FXR2: variants seen among roughly 807,000 people sequenced by gnomAD.
The protein encoded by FXR2 is RNA-binding protein FXR2.
Under a neutral mutation model 87.3 loss-of-function variants are expected in FXR2, and 9 were observed. The ratio of observed to expected loss-of-function variants is 0.10; its 90% CI spans 0.06 to 0.18. The LOEUF is 0.18. Among genes scored for constraint, FXR2 ranks in the 10% least tolerant of loss-of-function variants. The pLI, the probability that FXR2 is intolerant of heterozygous loss-of-function variation, is 1.00. For missense variants in FXR2, 661 were observed against 893.6 expected (o/e 0.74, Z 3.32); for synonymous variants, 331 against 328.3 (o/e 1.01, Z -0.09).
rs763738784 is a variant in FXR2 at position 7,593,167 on chromosome 17, C to T, written c.1345G>A (p.Val449Met). 2.9e-5 allele frequency: 44 copies of T among 1,525,948 alleles called. No homozygotes were observed. The African/African-American group carries it at 4.9e-4, about 17-fold the overall frequency. The allele number at this position is 1,525,948 out of a possible 1,614,324, so 94.5% of individuals were successfully genotyped here. The change falls in exon 13 of 17, where the codon GTG (valine) becomes ATG (methionine). Residue 449 changes from valine to methionine, a missense_variant. Around this residue, in one of 3 missense-constraint regions of FXR2, gnomAD observed 409 missense variants for 432.0 expected, o/e 0.95. Transcript: ENST00000250113. The surrounding 1 kb of genome is among the most constrained non-coding windows in gnomAD (Gnocchi z 6.1). ...GGPAYGPSSD[V>M]STASETESEK... Reference sequence around the variant, plus strand: ...GACTCAGTCTCTGAAGCTGTAGACACATCTGAGCTGGGGCCTGAAGAACAC... The same window carrying T: ...GACTCAGTCTCTGAAGCTGTAGACATATCTGAGCTGGGGCCTGAAGAACAC...
chr17:7,599,613 A>AAT (rs1357917020), intron 7 of FXR2, among the ~76,000 whole-genome samples: 1 of 152,136 alleles, frequency 6.6e-6, no homozygotes, highest in African/African-American at 2.4e-5. Flanking sequence ...GTGGTGGCTG[A>AAT]CACCTGTAAT....
chr17:7,598,768 G>A (rs1262252156), intron 7 of FXR2, among the ~76,000 whole-genome samples: 1 of 152,172 alleles, frequency 6.6e-6, no homozygotes, highest in Admixed American at 6.5e-5. Context: ...CAGCACTTTG[G>A]GAGGCCAAGG....
chr17:7,606,183 A>T, intron 1 of FXR2, 34 bp from the exon 2 acceptor site: 1 of 1,406,776 alleles, frequency 7.1e-7, no homozygotes, highest in Non-Finnish European at 9.8e-7. Flanking sequence ...CAAAAAAAAT[A>T]AAATGACCTT....
chr17:7,593,437 A>C lies in FXR2; in HGVS notation c.1296T>G (p.Arg432=), dbSNP rs2071682875. The C allele has an allele frequency of 1.9e-6, 3 of 1,584,950 alleles. No individual in the cohort carries two copies. Among genetic ancestry groups the C allele is most frequent in the Non-Finnish European group, 1.7e-6 (2 of 1,166,352 alleles). Residue 432 remains arginine (R), a synonymous_variant, in exon 12 of 17, where the codon CGT becomes CGG. Coordinates refer to ENST00000250113, the MANE Select transcript of FXR2 (RefSeq NM_004860.4). The surrounding 1 kb of genome is among the most constrained non-coding windows in gnomAD (Gnocchi z 6.1). The part of the protein sequence containing the change: ...TRTYGGSYGG[R]GRGRRTGGPA... ...GACCGCCTGTCCTCCGGCCACGGCC[A>C]CGGCCCCCATAGCTGCCCCCATAGG... is the stretch of plus-strand genomic sequence containing the variant.
intron 1 of FXR2, among the ~76,000 whole-genome samples, chr17:7,609,680 T>G (rs1475065732): frequency 1.3e-5 from 2 of 151,934 alleles, no homozygotes; most frequent in African/African-American, 2.4e-5. Context: ...TGGGTCTCTC[T>G]TCCCTTTTGG....
Position 7,592,562 on chromosome 17 carries a change from G to A in FXR2, c.1767C>T (p.Arg589=). 1 of 1,613,918 alleles carries A rather than the reference G, an allele frequency of 6.2e-7. No individual in the cohort carries two copies. The highest frequency in any genetic ancestry group is 8.5e-7 in the Non-Finnish European group (1 of 1,179,870). ...TCCGATTACCACGGTTACGGCGGCG[G>A]CGGCTGCGATTACGACGTTGAGGTC... ...ESRPQRRNRS[R]RRRNRGNRTD... Residue 589 remains arginine (R), a synonymous_variant, in exon 15 of 17, where the codon CGC becomes CGT. Coordinates refer to ENST00000250113, the MANE Select transcript of FXR2 (RefSeq NM_004860.4). This position sits in a 1 kb window ranked among gnomAD's most constrained non-coding sequence, Gnocchi z 4.8.
chr17:7,614,458 G>T lies in FXR2; in HGVS notation c.75C>A (p.Phe25Leu). Residue 25 changes from phenylalanine (F) to leucine (L), a missense_variant, in exon 1 of 17, where the codon TTC becomes TTA. By Grantham distance (22) the Phe-to-Leu change is conservative (BLOSUM62 0). Transcript: ENST00000250113. ...AGTCGGCGCGCCGTCTCACCTTGTA[G>T]AAGGCCCCGTTGGAGCCGCGCACCT... ...PVEVRGSNGA[F>L]YKGFVKDVHE... 1 of 1,540,190 alleles carries T rather than the reference G, an allele frequency of 6.5e-7. No individual in the cohort carries two copies. The highest frequency in any genetic ancestry group is 8.7e-7 in the Non-Finnish European group (1 of 1,144,766).
chr17:7,612,976 A>G (rs1194716643), intron 1 of FXR2, among the ~76,000 whole-genome samples: 1 of 140,900 alleles, frequency 7.1e-6, no homozygotes, highest in African/African-American at 2.8e-5. Flanking sequence ...AAGCCTGGGC[A>G]ACAGGGCGAG....
chr17:7,596,048 G>T, intron 7 of FXR2, 54 bp from the exon 8 acceptor site: 1 of 1,365,610 alleles, frequency 7.3e-7, no homozygotes, highest in Non-Finnish European at 1.0e-6. Context: ...ACAGTCCCAG[G>T]CACACGACCC....
In FXR2 at chr17:7,602,928, T is replaced by C. The variant is rs762074151; in HGVS notation, c.524A>G (p.Asn175Ser). Residue 175 changes from asparagine (N) to serine (S), a missense_variant, in exon 6 of 17, where the codon AAC becomes AGC. By Grantham distance (46) the Asn-to-Ser change is conservative. Coordinates refer to ENST00000250113, the MANE Select transcript of FXR2 (RefSeq NM_004860.4). ...GANCIFLNIT[N>S]SELFILSTTE... is the part of the protein sequence containing the mutation. The stretch of plus-strand genomic sequence containing the variant: ...ACTCACCAGAATGAAGAGCTCACTG[T>C]TTGTGATGTTGAGAAAGATGCAGTT... 2.0e-6 allele frequency: 3 copies of C among 1,535,812 alleles called. No individual in the cohort carries two copies. In the East Asian group the frequency reaches 6.7e-5, roughly 35 times the overall value.
In FXR2 at chr17:7,591,298, C is replaced by A; in HGVS notation, c.*532G>T. 6.1e-6 allele frequency: 1 copy of A among 163,858 alleles called. No homozygotes were observed. The allele number at this position is 163,858 out of a possible 1,614,324, so 10.2% of individuals were successfully genotyped here. A position where few individuals can be genotyped will look rare whatever the true frequency, so the allele number is the denominator to read the frequency against. ...AAAAATAAATACGCCTTCTCATCCA[C>A]CAGACAAGGTTGGTCCCCTCCCCAG... On this transcript the variant is annotated 3_prime_UTR_variant, in exon 17 of 17. Coordinates refer to ENST00000250113, the MANE Select transcript of FXR2 (RefSeq NM_004860.4). This position sits in a 1 kb window ranked among gnomAD's most constrained non-coding sequence, Gnocchi z 4.0.
chr17:7,610,018 A>ATGCATATGTATACATATATATACG, intron 1 of FXR2, among the ~76,000 whole-genome samples: 2 of 136,086 alleles, frequency 1.5e-5, no homozygotes, highest in African/African-American at 5.5e-5. Context: ...ATATATATAC[A>ATGCATATGTATACATATATATACG]TGTATATGTA....
In FXR2 at chr17:7,607,617, C is replaced by T. The variant is rs555098774; in HGVS notation, c.82-1468G>A. ...TAATTTTTTATATTTTTAGTAGAGA[C>T]GGGGTTTCACCATCTTGGCCAGGTT... On this transcript the variant is annotated intron_variant, in intron 1 of 16. Transcript: ENST00000250113. Among the ~76,000 whole-genome samples, 159 of 151,810 alleles carry T rather than the reference C, an allele frequency of 1.0e-3. 1 individual carries two copies. The highest frequency in any genetic ancestry group is 3.6e-3 in the African/African-American group (150 of 41,404).
intron 1 of FXR2, among the ~76,000 whole-genome samples, chr17:7,611,657 G>A (rs1051880803): frequency 1.3e-5 from 2 of 151,750 alleles, no homozygotes; most frequent in Non-Finnish European, 2.9e-5. Flanking sequence ...GACAGAGGGA[G>A]ACCCTGTCTC....
At chr17:7,605,369 AAACAAC>A (rs760006202) in intron 3 of FXR2, among the ~76,000 whole-genome samples, 3 of 152,022 alleles carry the variant, frequency 2.0e-5, no homozygotes, top group Non-Finnish European at 4.4e-5. Flanking sequence ...CTCCATCTCA[AAACAAC>A]AACAACAACA....
Position 7,613,935 on chromosome 17 carries a change from G to A in FXR2, c.81+517C>T, listed in dbSNP as rs1187734889. On this transcript the variant is annotated intron_variant, in intron 1 of 16. Coordinates refer to ENST00000250113, the MANE Select transcript of FXR2 (RefSeq NM_004860.4). ...GATCTGACCATTTCTCCTTGGCTTG[G>A]GAACCGGAATATAAGATGAAAGTGG... 4 of 417,866 alleles carry A rather than the reference G, an allele frequency of 9.6e-6. No homozygotes were observed. In the Admixed American group the frequency reaches 1.0e-4, roughly 11 times the overall value. 25.9% of individuals were successfully genotyped at this position (417,866 alleles called of 1,614,324 possible).
intron 6 of FXR2, among the ~76,000 whole-genome samples, chr17:7,601,906 A>G (rs2071759670): frequency 6.6e-6 from 1 of 151,820 alleles, no homozygotes; most frequent in Admixed American, 6.6e-5. Flanking sequence ...TAGCCTGGTG[A>G]CAGAACAATA....
At chr17:7,604,179 C>G in intron 3 of FXR2, 99 bp from the exon 4 acceptor site, 1 of 906,370 alleles carries the variant, frequency 1.1e-6, no homozygotes, top group South Asian at 1.4e-5. Flanking sequence ...CACCTGTAAT[C>G]TCAGCGCTTT....
chr17:7,593,870 C>T lies in FXR2; in HGVS notation c.1107+48G>A, dbSNP rs1272731153. On this transcript the variant is annotated intron_variant, in intron 11 of 16. Transcript: ENST00000250113. The surrounding 1 kb of genome is among the most constrained non-coding windows in gnomAD (Gnocchi z 6.1). ...TCCCTGAGCTGACCCCCACAGCAGTCTTAGTTCCCTTTTCACACCCAGCAT... is the reference window on the plus strand; with the variant it reads ...TCCCTGAGCTGACCCCCACAGCAGTTTTAGTTCCCTTTTCACACCCAGCAT... The T allele has an allele frequency of 2.5e-6, 3 of 1,198,672 alleles. No individual in the cohort carries two copies. The highest frequency in any genetic ancestry group is 3.4e-5 in the Admixed American group (2 of 59,396). 74.3% of individuals were successfully genotyped at this position (1,198,672 alleles called of 1,614,324 possible).
Sources: allele counts gnomAD v4.1 joint callset (sites outside exome capture counted in the v4.1 genomes callset), GRCh38; gene constraint gnomAD v4.1.1; regional missense constraint gnomAD v4.1.1; non-coding constraint Gnocchi (gnomAD v3.1); transcripts MANE v1.5; gene names NCBI Gene and HGNC (gene_info 2026-07-23, HGNC 2026-07-21).